The following FYN variants were observed in gnomAD, a reference collection of about 807,000 sequenced individuals.
FYN encodes FYN proto-oncogene, Src family tyrosine kinase, also known as tyrosine-protein kinase Fyn.
FYN carries 10 observed loss-of-function variants against 70.2 expected under a neutral mutation model. That is an observed-to-expected ratio of 0.14 (90% CI 0.09 to 0.24). FYN has a LOEUF of 0.24. FYN is among the 10% of genes least tolerant of loss of function. FYN has a pLI of 1.00. For synonymous variants in FYN, 236 were observed against 248.6 expected (o/e 0.95, Z 0.48); for missense variants, 319 against 673.1 (o/e 0.47, Z 5.82).
chr6:111,775,574 C>T (rs1243885631), intron 3 of FYN, among the ~76,000 whole-genome samples: 1 of 152,218 alleles, frequency 6.6e-6, no homozygotes, highest in Non-Finnish European at 1.5e-5. Context: ...GGAAGGGAAT[C>T]AGTCTTAAAG....
At chr6:111,696,931 T>G (rs1037390389) in intron 9 of FYN, 1 of 152,418 alleles carries the variant, frequency 6.6e-6, no homozygotes. Context: ...AAATTACCTC[T>G]AGACTTTCAA....
chr6:111,799,235 T>C (rs1486228026), intron 2 of FYN, among the ~76,000 whole-genome samples: 1 of 152,180 alleles, frequency 6.6e-6, no homozygotes, highest in Non-Finnish European at 1.5e-5. Context: ...AAGAAAAGAC[T>C]CAAGGGCACA....
At chr6:111,686,876 G>C (rs533070433) in intron 12 of FYN, among the ~76,000 whole-genome samples, 2 of 151,868 alleles carry the variant, frequency 1.3e-5, no homozygotes, top group East Asian at 1.9e-4. Context: ...GAAAGCTGGC[G>C]CTCTGAGTCT....
intron 2 of FYN, among the ~76,000 whole-genome samples, chr6:111,796,237 C>T (rs1269470585): frequency 1.3e-5 from 2 of 152,192 alleles, no homozygotes; most frequent in Non-Finnish European, 2.9e-5. Context: ...CTAAGTACAG[C>T]CATGTGCCAC....
Position 111,720,040 on chromosome 6 carries a change from C to T in FYN, c.12G>A (p.Val4=). The change falls in exon 4 of 14, where the codon GTG becomes GTA. Residue 4 remains valine, a synonymous_variant. Transcript: ENST00000354650. MGC[V]QCKDKEATKL... is the part of the protein sequence containing the mutation. ...TTGTTGCTTCTTTATCCTTACATTGCACACAGCCCATTATCTAAATTCCTG... is the reference window on the plus strand; with the variant it reads ...TTGTTGCTTCTTTATCCTTACATTGTACACAGCCCATTATCTAAATTCCTG... The T allele has an allele frequency of 6.2e-7, 1 of 1,601,440 alleles. No homozygotes were observed. The highest frequency in any genetic ancestry group is 1.3e-5 in the African/African-American group (1 of 74,730).
intron 3 of FYN, among the ~76,000 whole-genome samples, chr6:111,767,941 A>G (rs889314580): frequency 3.3e-5 from 5 of 152,198 alleles, no homozygotes; most frequent in African/African-American, 1.2e-4. Flanking sequence ...CGTTAGAATC[A>G]AATTCTGAGA....
intron 9 of FYN, chr6:111,699,540 CT>C: frequency 2.5e-6 from 4 of 1,614,120 alleles, no homozygotes; most frequent in Non-Finnish European, 3.4e-6. Flanking sequence ...CGAAACACCC[CT>C]GACCCAGCTT....
intron 2 of FYN, among the ~76,000 whole-genome samples, chr6:111,846,039 T>G (rs1424095401): frequency 6.6e-6 from 1 of 152,190 alleles, no homozygotes; most frequent in Non-Finnish European, 1.5e-5. Flanking sequence ...ACATTCACTT[T>G]TGTCTCAAGA....
intron 3 of FYN, among the ~76,000 whole-genome samples, chr6:111,737,073 A>C (rs1801741386): frequency 6.6e-6 from 1 of 152,210 alleles, no homozygotes; most frequent in Non-Finnish European, 1.5e-5. Context: ...TTTGTGCCTC[A>C]AACACTCGAC....
Position 111,827,016 on chromosome 6 carries a change from C to T in FYN, c.-82+19573G>A, listed in dbSNP as rs912072433. ...TGCACAGAATTTCCTGAGCCCTTATCAGAGCTCTTTCCAGCTCATCTCAGT... is the reference window on the plus strand; with the variant it reads ...TGCACAGAATTTCCTGAGCCCTTATTAGAGCTCTTTCCAGCTCATCTCAGT... On this transcript the variant is annotated intron_variant, in intron 2 of 13. Transcript: ENST00000354650. Among the ~76,000 whole-genome samples, 6 of 152,276 alleles carry T rather than the reference C, an allele frequency of 3.9e-5. No individual in the cohort carries two copies. In the South Asian group the frequency reaches 1.2e-3, roughly 32 times the overall value.
chr6:111,709,469 G>A (rs1421823335), intron 5 of FYN, among the ~76,000 whole-genome samples: 1 of 152,206 alleles, frequency 6.6e-6, no homozygotes, highest in African/African-American at 2.4e-5. Flanking sequence ...GGGTGCTGCT[G>A]TGGGAAAATG....
chr6:111,684,861 G>C (rs534535493), intron 12 of FYN, among the ~76,000 whole-genome samples: 1 of 152,158 alleles, frequency 6.6e-6, no homozygotes, highest in African/African-American at 2.4e-5. Context: ...TATTTAAGTG[G>C]TTATCTTGGG....
At chr6:111,718,871 G>A (rs1025128442) in intron 4 of FYN, among the ~76,000 whole-genome samples, 3 of 152,176 alleles carry the variant, frequency 2.0e-5, no homozygotes, top group Non-Finnish European at 2.9e-5. Context: ...CAAAGGCTCA[G>A]GGTCAGGCTC....
chr6:111,700,725 A>C (rs1046019079), intron 8 of FYN, among the ~76,000 whole-genome samples: 1 of 152,232 alleles, frequency 6.6e-6, no homozygotes, highest in Non-Finnish European at 1.5e-5. Flanking sequence ...AAGAATGTCA[A>C]TATGACTGTT....
chr6:111,845,354 T>G (rs1443734953), intron 2 of FYN, among the ~76,000 whole-genome samples: 1 of 152,222 alleles, frequency 6.6e-6, no homozygotes, highest in Non-Finnish European at 1.5e-5. Context: ...AAAACCTGAG[T>G]GCATGCGGAT....
chr6:111,869,199 A>G (rs1008645720), intron 1 of FYN, among the ~76,000 whole-genome samples: 3 of 152,226 alleles, frequency 2.0e-5, no homozygotes, highest in African/African-American at 7.2e-5. Flanking sequence ...AGCTCACTTA[A>G]CCTCCGTGGA....
At chr6:111,826,676 T>G (rs1772843701) in intron 2 of FYN, among the ~76,000 whole-genome samples, 1 of 152,214 alleles carries the variant, frequency 6.6e-6, no homozygotes, top group Non-Finnish European at 1.5e-5. Context: ...TACCACATTA[T>G]TTTAGTTTTG....
At chr6:111,792,039 C>T (rs1771642345) in intron 2 of FYN, among the ~76,000 whole-genome samples, 1 of 152,028 alleles carries the variant, frequency 6.6e-6, no homozygotes, top group African/African-American at 2.4e-5. Flanking sequence ...ATAATTTGGA[C>T]TATACTAAAA....
At chr6:111,725,993 T>C (rs1470005180) in intron 3 of FYN, among the ~76,000 whole-genome samples, 2 of 152,136 alleles carry the variant, frequency 1.3e-5, no homozygotes, top group Non-Finnish European at 2.9e-5. Flanking sequence ...GAGGCCTTCA[T>C]TGTGGGGGAG....
Sources: gnomAD v4.1 joint callset for allele counts (sites outside exome capture counted in the v4.1 genomes callset) on GRCh38, gnomAD v4.1.1 for gene constraint, MANE v1.5 for transcripts, NCBI Gene and HGNC (gene_info 2026-07-23, HGNC 2026-07-21) for gene names.